The following KIAA1328 variants were observed in gnomAD, a reference collection of about 807,000 sequenced individuals.
The protein encoded by KIAA1328 is KIAA1328, also known as protein hinderin.
A neutral mutation model predicts 68.1 loss-of-function variants in KIAA1328; 52 were observed. That is an observed-to-expected ratio of 0.76 (90% confidence interval 0.61 to 0.96). The LOEUF (loss-of-function observed/expected upper bound fraction) is 0.96. Among genes scored for constraint, KIAA1328 ranks in the 40% least tolerant of loss-of-function variants. The pLI, the probability that KIAA1328 is intolerant of heterozygous loss-of-function variation, is 0.00. For missense variants in KIAA1328, 641 were observed against 677.6 expected (o/e 0.95, Z 0.60); for synonymous variants, 232 against 239.4 (o/e 0.97, Z 0.28).
chr18:36,927,007 A>ATCTC (rs1350896344), intron 5 of KIAA1328, among the ~76,000 whole-genome samples: 1 of 152,100 alleles, frequency 6.6e-6, no homozygotes, highest in African/African-American at 2.4e-5. Context: ...AAACAACAAG[A>ATCTC]TCTCTGCAAA....
Position 37,156,917 on chromosome 18 carries a change from T to A in KIAA1328, c.1233-3283T>A, listed in dbSNP as rs560915522. Among the ~76,000 whole-genome samples the A allele has an allele frequency of 6.6e-5, 10 of 152,138 alleles. No homozygotes were observed. In the East Asian group the frequency reaches 1.6e-3, roughly 24 times the overall value. Reference sequence around the variant, plus strand: ...TGCAGATATAGAGGTGTGGCAAGGATCACCAAGAAAGTACTAAGAGGGAAG... The same window carrying A: ...TGCAGATATAGAGGTGTGGCAAGGAACACCAAGAAAGTACTAAGAGGGAAG... On this transcript the variant is annotated intron_variant, in intron 7 of 9. Transcript: ENST00000280020.
chr18:36,941,410 C>T (rs1252845760), intron 5 of KIAA1328, among the ~76,000 whole-genome samples: 3 of 151,972 alleles, frequency 2.0e-5, no homozygotes, highest in African/African-American at 2.4e-5. Context: ...GCGTGGCCAA[C>T]GTGGTAAAAC....
chr18:37,214,931 C>G (rs1599616817), intron 9 of KIAA1328, among the ~76,000 whole-genome samples: 1 of 152,234 alleles, frequency 6.6e-6, no homozygotes, highest in South Asian at 2.1e-4. Context: ...TGGGAGTTCA[C>G]TCATGATTTG....
intron 7 of KIAA1328, among the ~76,000 whole-genome samples, chr18:37,148,846 T>C (rs983733821): frequency 1.3e-5 from 2 of 152,162 alleles, no homozygotes; most frequent in African/African-American, 4.8e-5. Context: ...TTGTTTAAGT[T>C]CCTTGTAAAT....
chr18:37,137,911 G>A (rs1218896113), intron 7 of KIAA1328, among the ~76,000 whole-genome samples: 1 of 152,010 alleles, frequency 6.6e-6, no homozygotes, highest in Non-Finnish European at 1.5e-5. Context: ...ACTAGCCCAA[G>A]TGATTTACAC....
intron 5 of KIAA1328, among the ~76,000 whole-genome samples, chr18:36,894,713 C>T (rs542278780): frequency 5.3e-5 from 8 of 152,088 alleles, no homozygotes; most frequent in Non-Finnish European, 7.4e-5. Context: ...TTTGTAGAGA[C>T]GGGGTCTCCC....
chr18:37,137,200 A>G (rs967863391), intron 7 of KIAA1328, among the ~76,000 whole-genome samples: 1 of 152,062 alleles, frequency 6.6e-6, no homozygotes, highest in Non-Finnish European at 1.5e-5. Flanking sequence ...TCATATTTTA[A>G]TGTGCCCATC....
intron 6 of KIAA1328, among the ~76,000 whole-genome samples, chr18:37,052,618 C>T (rs1260808440): frequency 6.6e-6 from 1 of 151,982 alleles, no homozygotes; most frequent in East Asian, 1.9e-4. Context: ...CAAAAGGCTT[C>T]TAGAATCAAT....
chr18:37,052,678 A>G (rs1040477588), intron 6 of KIAA1328, among the ~76,000 whole-genome samples: 1 of 152,324 alleles, frequency 6.6e-6, no homozygotes, highest in East Asian at 1.9e-4. Flanking sequence ...TCAAAAAACC[A>G]ATAGCATTTC....
At chr18:37,041,640 TTG>T (rs56237948) in intron 6 of KIAA1328, among the ~76,000 whole-genome samples, 11,650 of 146,860 alleles carry the variant, frequency 0.079, 1,489 homozygotes, top group African/African-American at 0.27. Context: ...TTTTTTGTGT[TTG>T]TGTGTGTGTG....
intron 5 of KIAA1328, among the ~76,000 whole-genome samples, chr18:36,923,574 T>C (rs1337096528): frequency 6.6e-6 from 1 of 152,178 alleles, no homozygotes; most frequent in East Asian, 1.9e-4. Flanking sequence ...AGTTGATTTG[T>C]ATATCATTAA....
At chr18:36,933,239 A>G (rs1013545073) in intron 5 of KIAA1328, among the ~76,000 whole-genome samples, 2 of 152,256 alleles carry the variant, frequency 1.3e-5, no homozygotes, top group East Asian at 3.9e-4. Flanking sequence ...ATATGTATCT[A>G]TTTCTTAACT....
intron 7 of KIAA1328, among the ~76,000 whole-genome samples, chr18:37,103,661 A>G (rs2057689340): frequency 6.6e-6 from 1 of 152,218 alleles, no homozygotes; most frequent in Admixed American, 6.5e-5. Flanking sequence ...ATGGGTTTGT[A>G]TTAAACTAAA....
intron 6 of KIAA1328, among the ~76,000 whole-genome samples, chr18:37,038,657 T>C (rs2055124490): frequency 6.6e-6 from 1 of 152,190 alleles, no homozygotes. Context: ...CACCTGTGAA[T>C]AAAATGTTTC....
chr18:36,852,698 GT>G (rs1336095041), intron 4 of KIAA1328, among the ~76,000 whole-genome samples: 5 of 152,040 alleles, frequency 3.3e-5, no homozygotes, highest in Non-Finnish European at 7.4e-5. Flanking sequence ...AGTTTCTTTT[GT>G]TTTTTGTTAT....
intron 6 of KIAA1328, among the ~76,000 whole-genome samples, chr18:37,058,292 A>G (rs1236200964): frequency 6.6e-6 from 1 of 152,248 alleles, no homozygotes; most frequent in Non-Finnish European, 1.5e-5. Context: ...CCTCTGCAAG[A>G]TAGGTATAAA....
chr18:37,010,298 C>T (rs975725379), intron 6 of KIAA1328, among the ~76,000 whole-genome samples: 1 of 151,740 alleles, frequency 6.6e-6, no homozygotes, highest in Non-Finnish European at 1.5e-5. Flanking sequence ...CAAAGATTAC[C>T]TGGGTATGGT....
At chr18:36,928,283 A>G (rs1190632791) in intron 5 of KIAA1328, among the ~76,000 whole-genome samples, 1 of 152,132 alleles carries the variant, frequency 6.6e-6, no homozygotes, top group Non-Finnish European at 1.5e-5. Flanking sequence ...GGGTGTGGAA[A>G]TGGCAGAATG....
chr18:37,114,899 A>G (rs2058056960), intron 7 of KIAA1328, among the ~76,000 whole-genome samples: 1 of 152,230 alleles, frequency 6.6e-6, no homozygotes, highest in South Asian at 2.1e-4. Flanking sequence ...CTACGCAAAT[A>G]AACTAGAAAA....
Sources: gnomAD v4.1 joint callset for allele counts (sites outside exome capture counted in the v4.1 genomes callset) on GRCh38, gnomAD v4.1.1 for gene constraint, MANE v1.5 for transcripts, NCBI Gene and HGNC (gene_info 2026-07-23, HGNC 2026-07-21) for gene names.